The following TMEM229B variants were observed in gnomAD, a reference collection of about 807,000 sequenced individuals.
TMEM229B encodes the protein chromosome 14 open reading frame 83.
Under a neutral mutation model 13.7 loss-of-function variants are expected in TMEM229B, and 6 were observed. The ratio of observed to expected loss-of-function variants is 0.44; its 90% confidence interval spans 0.24 to 0.86. The LOEUF (loss-of-function observed/expected upper bound fraction) is 0.86. Ranked by LOEUF, TMEM229B falls within the 40% of genes least tolerant of loss-of-function variation. The probability of loss-of-function intolerance (pLI) is 0.23; values close to 1 mark genes in which losing one functional copy is unlikely to be tolerated. For synonymous variants in TMEM229B, 107 were observed against 102.1 expected, an observed-to-expected ratio of 1.05 and a Z score of -0.29; for missense variants, 170 against 236.0, an observed-to-expected ratio of 0.72 and a Z score of 1.83.
At chr14:67,528,843 C>T (rs895594211) in intron 1 of TMEM229B, among the ~76,000 whole-genome samples, 3 of 152,170 alleles carry the variant, frequency 2.0e-5, no homozygotes, top group South Asian at 2.1e-4. Flanking sequence ...CAGACAGGTG[C>T]GTGACAATGC....
At chr14:67,510,558 TAAAAGA>T (rs1033666188) in intron 1 of TMEM229B, among the ~76,000 whole-genome samples, 20 of 152,104 alleles carry the variant, frequency 1.3e-4, no homozygotes, top group Non-Finnish European at 2.1e-4. Flanking sequence ...TATGCCAAAC[TAAAAGA>T]AAAAGAAAAA....
chr14:67,489,257 A>T (rs1314277858), upstream of TMEM229B, among the ~76,000 whole-genome samples: 1 of 152,162 alleles, frequency 6.6e-6, no homozygotes, highest in Non-Finnish European at 1.5e-5. Flanking sequence ...AAATCCAAAC[A>T]TTTGATTCAA....
rs555435333 is a variant in TMEM229B at position 67,500,960 on chromosome 14, C to A, written c.-191-13788G>T. ...CTCAAATGAGTAGCTGCATCATCTT[C>A]CAGATGAAAGTAGAAGAACAAGGTT... is the stretch of plus-strand genomic sequence containing the variant. On this transcript the variant is annotated intron_variant, in intron 1 of 2. Transcript: ENST00000357461. Among the ~76,000 whole-genome samples the A allele has an allele frequency of 2.6e-5, 4 of 151,436 alleles. No homozygotes were observed. In the East Asian group the frequency reaches 7.8e-4, roughly 29 times the overall value.
intron 2 of TMEM229B, among the ~76,000 whole-genome samples, chr14:67,479,196 A>AG (rs2031422156): frequency 6.6e-6 from 1 of 152,094 alleles, no homozygotes; most frequent in Non-Finnish European, 1.5e-5. Flanking sequence ...TCATGAGGTC[A>AG]GGAGTTCAAG....
intron 1 of TMEM229B, among the ~76,000 whole-genome samples, chr14:67,531,947 A>C (rs1315393141): frequency 6.6e-6 from 1 of 151,270 alleles, no homozygotes; most frequent in African/African-American, 2.4e-5. Flanking sequence ...TGAATGAATT[A>C]ATGTCTTCTT....
intron 1 of TMEM229B, among the ~76,000 whole-genome samples, chr14:67,526,550 C>T (rs2033370430): frequency 6.6e-6 from 1 of 152,208 alleles, no homozygotes; most frequent in Non-Finnish European, 1.5e-5. Context: ...AGCCCCCTTC[C>T]CTGAAACGAC....
At chr14:67,475,879 T>C (rs2031161487) in intron 2 of TMEM229B, among the ~76,000 whole-genome samples, 1 of 152,258 alleles carries the variant, frequency 6.6e-6, no homozygotes, top group African/African-American at 2.4e-5. Context: ...TTGAGGTATG[T>C]GCTCTCATGA....
intron 2 of TMEM229B, among the ~76,000 whole-genome samples, chr14:67,474,265 C>CAAAACA (rs2031021616): frequency 6.9e-6 from 1 of 144,760 alleles, no homozygotes; most frequent in African/African-American, 2.6e-5. Flanking sequence ...AAAAACAAAA[C>CAAAACA]AAAAAAAAAA....
At chr14:67,478,624 C>T (rs146012847) in intron 2 of TMEM229B, among the ~76,000 whole-genome samples, 68 of 152,340 alleles carry the variant, frequency 4.5e-4, no homozygotes, top group African/African-American at 1.4e-3. Flanking sequence ...CCCCTGGGGA[C>T]GGCTGGCAAA....
intron 1 of TMEM229B, among the ~76,000 whole-genome samples, chr14:67,524,835 G>A (rs2033343760): frequency 6.6e-6 from 1 of 152,172 alleles, no homozygotes; most frequent in Admixed American, 6.5e-5. Context: ...CCTCTGATCT[G>A]AACAGTGATC....
chr14:67,527,503 T>C (rs1338685234), intron 1 of TMEM229B, among the ~76,000 whole-genome samples: 2 of 152,156 alleles, frequency 1.3e-5, no homozygotes, highest in Non-Finnish European at 2.9e-5. Flanking sequence ...CCTCAATAAA[T>C]ATGGCTTTAA....
At chr14:67,533,335 G>A (rs1034818708) in intron 1 of TMEM229B, 20 of 151,540 alleles carry the variant, frequency 1.3e-4, no homozygotes, top group African/African-American at 4.3e-4. Flanking sequence ...GGTCGGCTGC[G>A]GCGGCGGCCC....
chr14:67,506,128 G>A (rs1235221647), intron 1 of TMEM229B, among the ~76,000 whole-genome samples: 1 of 152,222 alleles, frequency 6.6e-6, no homozygotes, highest in Non-Finnish European at 1.5e-5. Flanking sequence ...TACCCAGTGA[G>A]CACTTTCCTG....
Position 67,473,240 on chromosome 14 carries a change from C to T in TMEM229B, c.*180G>A, listed in dbSNP as rs1275321315. 12 of 791,882 alleles carry T rather than the reference C, an allele frequency of 1.5e-5. No homozygotes were observed. The East Asian group carries it at 1.9e-4, about 13-fold the overall frequency. The allele number at this position is 791,882 out of a possible 1,614,324, so 49.1% of individuals were successfully genotyped here. On this transcript the variant is annotated 3_prime_UTR_variant, in exon 3 of 3. Coordinates refer to ENST00000554480, the MANE Select transcript of TMEM229B (RefSeq NM_001348543.2). This position sits in a 1 kb window ranked among gnomAD's most constrained non-coding sequence, Gnocchi z 6.5. The stretch of plus-strand genomic sequence containing the variant: ...GCTGCCTCCACACCCCATCCCCCAA[C>T]ACCTGACCACGGCCCCCCAACACCG...
chr14:67,519,974 C>T (rs1005116087), upstream of TMEM229B, among the ~76,000 whole-genome samples: 3 of 152,126 alleles, frequency 2.0e-5, no homozygotes, highest in Admixed American at 6.5e-5. Context: ...CCTCCCACCT[C>T]GGCCCCCCAA....
upstream of TMEM229B, among the ~76,000 whole-genome samples, chr14:67,493,521 TA>T (rs2032249835): frequency 6.6e-6 from 1 of 152,058 alleles, no homozygotes; most frequent in African/African-American, 2.4e-5. Flanking sequence ...TCTGCAGGAG[TA>T]AATTGCCTTG....
At chr14:67,485,829 G>A (rs2045139076) in intron 2 of TMEM229B, among the ~76,000 whole-genome samples, 1 of 152,058 alleles carries the variant, frequency 6.6e-6, no homozygotes, top group Non-Finnish European at 1.5e-5. Flanking sequence ...GTCTCGCTGA[G>A]GAGGAGATGC....
intron 2 of TMEM229B, among the ~76,000 whole-genome samples, chr14:67,483,803 C>G (rs1047899557): frequency 1.3e-5 from 2 of 152,228 alleles, no homozygotes; most frequent in African/African-American, 4.8e-5. Context: ...CAGCCAAGAG[C>G]AGGGGCCAGC....
chr14:67,524,661 C>A (rs752676405), intron 1 of TMEM229B, among the ~76,000 whole-genome samples: 9 of 152,222 alleles, frequency 5.9e-5, no homozygotes, highest in Non-Finnish European at 8.8e-5. Flanking sequence ...AGGGACCCAA[C>A]TTAACTCTGT....
Sources: gnomAD v4.1 joint callset for allele counts (sites outside exome capture counted in the v4.1 genomes callset) on GRCh38, gnomAD v4.1.1 for gene constraint, Gnocchi (gnomAD v3.1) non-coding constraint, MANE v1.5 for transcripts, NCBI Gene and HGNC (gene_info 2026-07-23, HGNC 2026-07-21) for gene names.